RASGRF1: variants seen among roughly 807,000 people sequenced by gnomAD.
The protein encoded by RASGRF1 is Ras protein specific guanine nucleotide releasing factor 1, also known as ras-specific guanine nucleotide-releasing factor 1.
RASGRF1 carries 40 observed loss-of-function variants against 138.7 expected under a neutral mutation model. The ratio of observed to expected loss-of-function variants is 0.29; its 90% CI spans 0.22 to 0.38. The LOEUF is 0.38. RASGRF1 is among the 10% of genes least tolerant of loss of function. RASGRF1 has a pLI of 1.00. For synonymous variants in RASGRF1, 614 were observed against 663.2 expected (o/e 0.93, Z 1.14); for missense variants, 1,108 against 1,650.4 (o/e 0.67, Z 5.69).
intron 12 of RASGRF1, 53 bp from the exon 13 acceptor site, chr15:79,015,462 G>A: frequency 1.3e-6 from 2 of 1,504,716 alleles, no homozygotes; most frequent in Non-Finnish European, 1.8e-6. Flanking sequence ...CTGGACCCAG[G>A]CCCACCAGGA....
Position 79,040,711 on chromosome 15 carries a change from T to TA in RASGRF1, c.879-5502dup, listed in dbSNP as rs370475194. 1.6e-4 allele frequency among the ~76,000 whole-genome samples: 25 copies of TA among 151,784 alleles called. No homozygotes were observed. The East Asian group carries it at 2.7e-3, about 16-fold the overall frequency. ...TGCTATTTTTAAAATCAAGTTTTGG[T>TA]AAAAAAAAATTGGGAAGTTTTCCAC... On this transcript the variant is annotated intron_variant, in intron 5 of 26. Coordinates refer to ENST00000558480, the MANE Select transcript of RASGRF1 (RefSeq NM_001145648.3).
intron 13 of RASGRF1, chr15:79,012,423 T>C (rs2056813835): frequency 8.2e-7 from 1 of 1,213,192 alleles, no homozygotes; most frequent in Non-Finnish European, 1.2e-6. Flanking sequence ...CACTGCTTTC[T>C]AATAATCTCT....
In RASGRF1 at chr15:79,073,309, C is replaced by A. The variant is rs1291561661; in HGVS notation, c.277-8783G>T. ...ATAAGCCCATGGCTCTTTCTAAGGGCAGCTGGTTCCTGTGGGGAAGCTGGG... is the reference window on the plus strand; with the variant it reads ...ATAAGCCCATGGCTCTTTCTAAGGGAAGCTGGTTCCTGTGGGGAAGCTGGG... On this transcript the variant is annotated intron_variant, in intron 1 of 26. Transcript: ENST00000558480. The surrounding 1 kb of genome is among the most constrained non-coding windows in gnomAD (Gnocchi z 4.2). Among the ~76,000 whole-genome samples the A allele has an allele frequency of 6.6e-6, 1 of 152,098 alleles. No individual in the cohort carries two copies. The highest frequency in any genetic ancestry group is 2.4e-5 in the African/African-American group (1 of 41,418).
intron 1 of RASGRF1, among the ~76,000 whole-genome samples, chr15:79,068,397 C>G (rs2057707605): frequency 6.6e-6 from 1 of 151,418 alleles, no homozygotes; most frequent in African/African-American, 2.4e-5. Context: ...TAAGTCTCTT[C>G]CTCCTTGTCA....
intron 1 of RASGRF1, among the ~76,000 whole-genome samples, chr15:79,083,208 G>A (rs910986946): frequency 1.3e-5 from 2 of 152,342 alleles, no homozygotes; most frequent in Admixed American, 1.3e-4. Flanking sequence ...GGCTGCATGT[G>A]AGGGGCTGTA....
intron 14 of RASGRF1, chr15:79,005,095 G>A (rs755600052): frequency 2.4e-5 from 24 of 985,332 alleles, no homozygotes; most frequent in South Asian, 4.7e-5. Context: ...TGGATGGGAT[G>A]TTTGCTTCTG....
chr15:78,965,497 T>C (rs1200639836), intron 26 of RASGRF1, among the ~76,000 whole-genome samples: 1 of 152,216 alleles, frequency 6.6e-6, no homozygotes, highest in African/African-American at 2.4e-5. Flanking sequence ...TATAAAGTCC[T>C]TTTACAAAGG....
Position 78,973,556 on chromosome 15 carries a change from C to A in RASGRF1, c.3495-136G>T. ...CAGTCACCAAGAATCACACTACACT[C>A]TAGAACTGACTATTCTACACGCCCA... On this transcript the variant is annotated intron_variant, in intron 24 of 26. Transcript: ENST00000558480. The surrounding 1 kb of genome is among the most constrained non-coding windows in gnomAD (Gnocchi z 4.9). 4.7e-6 allele frequency: 3 copies of A among 638,278 alleles called. No homozygotes were observed. In the South Asian group the frequency reaches 6.0e-5, roughly 13 times the overall value. The allele number at this position is 638,278 out of a possible 1,614,324, so 39.5% of individuals were successfully genotyped here.
chr15:79,008,629 G>A (rs770753523), intron 13 of RASGRF1, among the ~76,000 whole-genome samples: 4 of 152,112 alleles, frequency 2.6e-5, no homozygotes, highest in Non-Finnish European at 4.4e-5. Context: ...ATGGCAGATC[G>A]GACACTCAGA....
chr15:78,972,036 C>G, intron 25 of RASGRF1, 102 bp from the exon 26 acceptor site: 7 of 985,426 alleles, frequency 7.1e-6, no homozygotes, highest in African/African-American at 1.6e-5. Flanking sequence ...CTGAAGTCAG[C>G]CTCTTAATTC....
At chr15:79,053,745 G>A (rs960877581) in intron 3 of RASGRF1, among the ~76,000 whole-genome samples, 1 of 152,204 alleles carries the variant, frequency 6.6e-6, no homozygotes, top group African/African-American at 2.4e-5. Context: ...GGGCACAGAG[G>A]GAGAAGAGAC....
At position 79,090,468 on chromosome 15, in the gene RASGRF1, G is replaced by T; in HGVS notation, c.31C>A (p.His11Asn). 1.9e-6 allele frequency: 3 copies of T among 1,612,874 alleles called. No homozygotes were observed. Among genetic ancestry groups the T allele is most frequent in the Non-Finnish European group, 2.5e-6 (3 of 1,179,962 alleles). The change falls in exon 1 of 27, where the codon CAC (histidine) becomes AAC (asparagine). Residue 11 changes from histidine to asparagine, a missense_variant. This residue lies in a region of RASGRF1 where 253 missense variants were observed against 329.5 expected (regional missense o/e 0.77). Transcript: ENST00000558480. The part of the protein sequence containing the change: MQKGIRLNDG[H>N]VASLGLLARK... The stretch of plus-strand genomic sequence containing the variant: ...GCCAGCAGTCCCAGGGACGCGACGT[G>T]GCCATCATTCAGCCGGATCCCCTTC...
intron 26 of RASGRF1, 85 bp downstream of exon 26, chr15:78,971,781 C>T (rs962626971): frequency 8.9e-5 from 110 of 1,230,670 alleles, no homozygotes; most frequent in East Asian, 3.0e-4. Flanking sequence ...GGAAAGTGGA[C>T]GGGTATGGAG....
At chr15:79,012,460 G>T in intron 13 of RASGRF1, 2 of 1,434,748 alleles carry the variant, frequency 1.4e-6, no homozygotes, top group Non-Finnish European at 2.0e-6. Context: ...CTCACTAAAC[G>T]ATGAATTTCC....
chr15:78,986,990 G>A (rs2056172536), intron 22 of RASGRF1, among the ~76,000 whole-genome samples: 1 of 152,094 alleles, frequency 6.6e-6, no homozygotes, highest in Non-Finnish European at 1.5e-5. Context: ...ATTTTTGAAA[G>A]AAATAGATCA....
At chr15:79,044,371 C>G (rs2057332397) in intron 5 of RASGRF1, among the ~76,000 whole-genome samples, 1 of 152,232 alleles carries the variant, frequency 6.6e-6, no homozygotes, top group South Asian at 2.1e-4. Flanking sequence ...CTCCAGGGAG[C>G]CTCTTTGGTG....
Position 79,058,440 on chromosome 15 carries a change from T to G in RASGRF1, c.425A>C (p.Lys142Thr). 1 of 1,614,202 alleles carries G rather than the reference T, an allele frequency of 6.2e-7. No individual in the cohort carries two copies. The highest frequency in any genetic ancestry group is 8.5e-7 in the Non-Finnish European group (1 of 1,180,040). The change falls in exon 3 of 27, where the codon AAA becomes ACA. Residue 142 changes from lysine to threonine, a missense_variant. By Grantham distance (78) the Lys-to-Thr change is moderately conservative. Transcript: ENST00000558480. The part of the protein sequence containing the change: ...LATEHEALMQ[K>T]YLHLLQIVET... ...CACGATCTGCAGCAGGTGCAGGTAT[T>G]TCTGCATTAATGCCTCATGCTCTGT... is the stretch of plus-strand genomic sequence containing the variant.
At chr15:79,090,078 TC>T in intron 1 of RASGRF1, 144 bp downstream of exon 1, 2 of 1,210,856 alleles carry the variant, frequency 1.7e-6, no homozygotes, top group Non-Finnish European at 2.2e-6. Context: ...GGAGCAAGCC[TC>T]CCCTCTCGCT....
intron 24 of RASGRF1, among the ~76,000 whole-genome samples, chr15:78,975,690 T>G (rs7182200): frequency 0.05 from 7,643 of 152,100 alleles, 598 homozygotes; most frequent in African/African-American, 0.17. Context: ...TTTGTATTTT[T>G]GGTAGGGACA....
Sources: allele counts gnomAD v4.1 joint callset (sites outside exome capture counted in the v4.1 genomes callset), GRCh38; gene constraint gnomAD v4.1.1; regional missense constraint gnomAD v4.1.1; non-coding constraint Gnocchi (gnomAD v3.1); transcripts MANE v1.5; gene names NCBI Gene and HGNC (gene_info 2026-07-23, HGNC 2026-07-21).